Variants in ZNF564 observed in about 807,000 individuals in gnomAD.
The protein encoded by ZNF564 is zinc finger protein 564.
In ZNF564, 5 loss-of-function variants were observed where a neutral mutation model predicts 10.5. That is an observed-to-expected ratio of 0.48 (90% CI 0.25 to 1.00). ZNF564 has a LOEUF of 1.00. Ranked by LOEUF, ZNF564 falls within the 50% of genes least tolerant of loss-of-function variation. The pLI, the probability that ZNF564 is intolerant of heterozygous loss-of-function variation, is 0.16. For synonymous variants in ZNF564, 242 were observed against 218.1 expected, an observed-to-expected ratio of 1.11 and a Z score of -0.97; for missense variants, 603 against 669.7, an observed-to-expected ratio of 0.90 and a Z score of 1.10.
intron 1 of ZNF564, among the ~76,000 whole-genome samples, chr19:12,543,394 T>C (rs370524724): frequency 1.2e-4 from 17 of 140,926 alleles, no homozygotes; most frequent in Middle Eastern, 4.7e-3. Flanking sequence ...AAAACTGAAA[T>C]AGCCGGGTGC....
chr19:12,549,512 TCTC>T (rs2022213815), intron 1 of ZNF564, among the ~76,000 whole-genome samples: 1 of 152,172 alleles, frequency 6.6e-6, no homozygotes, highest in Admixed American at 6.5e-5. Flanking sequence ...AGGTTTTCCT[TCTC>T]CTTTGAGATA....
intron 1 of ZNF564, among the ~76,000 whole-genome samples, chr19:12,532,345 C>T (rs1283624817): frequency 6.6e-6 from 1 of 151,164 alleles, no homozygotes; most frequent in Non-Finnish European, 1.5e-5. Flanking sequence ...ACCATCCTGG[C>T]TAACACGGTG....
chr19:12,536,295 G>C (rs962151617), intron 1 of ZNF564, among the ~76,000 whole-genome samples: 4 of 152,038 alleles, frequency 2.6e-5, no homozygotes, highest in African/African-American at 4.8e-5. Context: ...TTCCACCTCA[G>C]CCTCCCAAGG....
chr19:12,543,689 A>AAC (rs1555697751), intron 1 of ZNF564, among the ~76,000 whole-genome samples: 6 of 150,210 alleles, frequency 4.0e-5, no homozygotes, highest in South Asian at 2.1e-4. Context: ...AAAAAAAAAA[A>AAC]AAAAAAACAA....
intron 1 of ZNF564, among the ~76,000 whole-genome samples, chr19:12,532,066 T>C (rs375746410): frequency 1.6e-3 from 245 of 152,144 alleles, no homozygotes; most frequent in African/African-American, 5.6e-3. Context: ...AACACAGAGA[T>C]AAGCCAGGTG....
chr19:12,540,779 G>A (rs1347746851), intron 1 of ZNF564, among the ~76,000 whole-genome samples: 3 of 151,784 alleles, frequency 2.0e-5, no homozygotes, highest in Admixed American at 6.6e-5. Context: ...GTGTGAACTC[G>A]GGAGGCAGAG....
At position 12,540,653 on chromosome 19, in the gene ZNF564, C is replaced by G. The variant is rs184954945; in HGVS notation, c.3+10677G>C. Among the ~76,000 whole-genome samples the G allele has an allele frequency of 3.4e-3, 523 of 152,168 alleles. 1 individual carries two copies. Among genetic ancestry groups the G allele is most frequent in the East Asian group, 0.018 (95 of 5,162 alleles). ...GCAGATCACAAAGTCAGGAGATCGC[C>G]ACCATCCTGGCTAACATGATGAAAC... On this transcript the variant is annotated intron_variant, in intron 1 of 3. Transcript: ENST00000339282.
chr19:12,527,547 G>A lies in ZNF564; in HGVS notation c.561C>T (p.His187=). The change falls in exon 4 of 4, where the codon CAC becomes CAT. Residue 187 remains histidine (H), a synonymous_variant. Transcript: ENST00000339282. ...GTCCATCTCCAGTGTGCTTAATCAT[G>A]TGTCTTCGAACACTTGGGAGAGAAA... ...AFISLPSVRR[H]MIKHTGDGPY... is the part of the protein sequence containing the mutation. The A allele has an allele frequency of 6.2e-7, 1 of 1,613,930 alleles. No homozygotes were observed. Among genetic ancestry groups the A allele is most frequent in the Non-Finnish European group, 8.5e-7 (1 of 1,179,968 alleles).
rs1427961591 is a variant in ZNF564, at chr19:12,527,010, T to A, written c.1098A>T (p.Glu366Asp). 18 of 1,613,902 alleles carry A rather than the reference T, an allele frequency of 1.1e-5. No individual in the cohort carries two copies. Among genetic ancestry groups the A allele is most frequent in the Admixed American group, 5.0e-5 (3 of 59,982 alleles). The change falls in exon 4 of 4, where the codon GAA becomes GAT. Residue 366 changes from glutamate (E) to aspartate (D), a missense_variant. Coordinates refer to ENST00000339282, the MANE Select transcript of ZNF564 (RefSeq NM_144976.4). ...ERTHTGEKPY[E>D]CKECGKAFIS... is the part of the protein sequence containing the mutation. Reference sequence around the variant, plus strand: ...TGAAGGCTTTCCCGCATTCCTTACATTCATAGGGCTTCTCTCCAGTGTGAG... The same window carrying A: ...TGAAGGCTTTCCCGCATTCCTTACAATCATAGGGCTTCTCTCCAGTGTGAG...
chr19:12,539,019 G>C (rs2021978999), intron 1 of ZNF564, among the ~76,000 whole-genome samples: 1 of 151,090 alleles, frequency 6.6e-6, no homozygotes, highest in Non-Finnish European at 1.5e-5. Context: ...CCTGAGGTCA[G>C]GAGTTCAAGA....
At chr19:12,544,967 T>C (rs112094070) in intron 1 of ZNF564, among the ~76,000 whole-genome samples, 11 of 152,100 alleles carry the variant, frequency 7.2e-5, no homozygotes, top group Non-Finnish European at 1.0e-4. Flanking sequence ...TCCTAAGAGA[T>C]GAGTGAGGGA....
chr19:12,538,059 C>G (rs1041305002), intron 1 of ZNF564, among the ~76,000 whole-genome samples: 5 of 151,708 alleles, frequency 3.3e-5, no homozygotes, highest in African/African-American at 1.2e-4. Context: ...TAAAAGTTAA[C>G]TAAGTCTCAA....
Position 12,528,335 on chromosome 19 carries a change from C to T in ZNF564, c.160G>A (p.Asp54Asn). Residue 54 changes from aspartate (D) to asparagine (N), a missense_variant, in exon 3 of 4, where the codon GAT becomes AAT. By Grantham distance (23) the Asp-to-Asn change is conservative. Coordinates refer to ENST00000339282, the MANE Select transcript of ZNF564 (RefSeq NM_144976.4). The stretch of plus-strand genomic sequence containing the variant: ...ATTCTCCCCTGATTTTTGTACCAAT[C>T]TTCAATGCTCTGGTCTTCCCATTTT... The part of the protein sequence containing the change: ...GKKWEDQSIE[D>N]WYKNQGRILR... 1 of 1,610,680 alleles carries T rather than the reference C, an allele frequency of 6.2e-7. No homozygotes were observed. Among genetic ancestry groups the T allele is most frequent in the Non-Finnish European group, 8.5e-7 (1 of 1,179,266 alleles).
Position 12,542,898 on chromosome 19 carries a change from A to G in ZNF564, c.3+8432T>C, listed in dbSNP as rs1345724569. Among the ~76,000 whole-genome samples the G allele has an allele frequency of 2.0e-5, 3 of 152,130 alleles. No individual in the cohort carries two copies. In the East Asian group the frequency reaches 5.8e-4, roughly 29 times the overall value. On this transcript the variant is annotated intron_variant, in intron 1 of 3. Coordinates refer to ENST00000339282, the MANE Select transcript of ZNF564 (RefSeq NM_144976.4). Reference sequence around the variant, plus strand: ...CATCCTGTAGTCCCAGCTACTTGGGAGGCTGAGGCAGGAGAATCAATTGAA... The same window carrying G: ...CATCCTGTAGTCCCAGCTACTTGGGGGGCTGAGGCAGGAGAATCAATTGAA...
intron 1 of ZNF564, among the ~76,000 whole-genome samples, chr19:12,534,274 TAA>T (rs2021865117): frequency 6.6e-6 from 1 of 152,184 alleles, no homozygotes; most frequent in East Asian, 1.9e-4. Flanking sequence ...CTTTGCTGCA[TAA>T]GACATGATTA....
At chr19:12,532,030 CA>C (rs1042894217) in intron 1 of ZNF564, among the ~76,000 whole-genome samples, 8 of 152,122 alleles carry the variant, frequency 5.3e-5, no homozygotes, top group African/African-American at 1.9e-4. Context: ...CTTAATATCA[CA>C]AAGTACACTT....
chr19:12,528,627 G>A lies in ZNF564; in HGVS notation c.73C>T (p.Gln25Ter). The A allele has an allele frequency of 6.2e-7, 1 of 1,613,994 alleles. No individual in the cohort carries two copies. The highest frequency in any genetic ancestry group is 1.3e-5 in the African/African-American group (1 of 75,030). The change falls in exon 2 of 4, where the codon CAG becomes TAG. Residue 25 changes from glutamine (Q) to a stop codon, truncating the protein, a stop_gained. Transcript: ENST00000339282. LOFTEE classifies it high-confidence loss of function. Reference protein sequence around the residue: ...LEEWALLDPSQKKLYRDVMRE... With the variant: ...LEEWALLDPS ...ATCACATCTCTGTAGAGTTTCTTCT[G>A]GGAAGGATCCAGCAAAGCCCACTCC...
chr19:12,526,446 C>G lies in ZNF564; in HGVS notation c.1662G>C (p.Ter554TyrextTer55). The change falls in exon 4 of 4, where the codon TAG (stop) becomes TAC (tyrosine). Residue 554 changes from the stop codon to tyrosine, a stop_lost. Transcript: ENST00000339282. ...TQPSNTCENE[*>Y] ...TAGATACTTGTAGACCTGTCCTCCA[C>G]TATTCATTTTCACAGGTATTCGAAG... is the stretch of plus-strand genomic sequence containing the variant. 6.3e-7 allele frequency: 1 copy of G among 1,582,860 alleles called. No individual in the cohort carries two copies. The highest frequency in any genetic ancestry group is 8.6e-7 in the Non-Finnish European group (1 of 1,167,006).
intron 1 of ZNF564, among the ~76,000 whole-genome samples, chr19:12,542,308 C>CAAAAAAAAA (rs35733202): frequency 1.6e-5 from 1 of 63,168 alleles, no homozygotes; most frequent in Admixed American, 2.1e-4. Context: ...GACTCTGTCT[C>CAAAAAAAAA]AAAAAAAAAA....
Sources: allele counts gnomAD v4.1 joint callset (sites outside exome capture counted in the v4.1 genomes callset), GRCh38; gene constraint gnomAD v4.1.1; transcripts MANE v1.5; gene names NCBI Gene and HGNC (gene_info 2026-07-23, HGNC 2026-07-21).